NLGN1: variants seen among roughly 807,000 people sequenced by gnomAD.
The protein encoded by NLGN1 is neuroligin 1, also known as neuroligin-1.
Under a neutral mutation model 65.5 loss-of-function variants are expected in NLGN1, and 12 were observed. The observed-to-expected ratio is 0.18, with a 90% CI of 0.12 to 0.30. The LOEUF (loss-of-function observed/expected upper bound fraction) is 0.30, where lower values mean the gene tolerates loss of function less well. NLGN1 is among the 10% of genes least tolerant of loss of function. The pLI is 1.00. For missense variants in NLGN1, 750 were observed against 1,007.1 expected (o/e 0.74, Z 3.46); for synonymous variants, 350 against 359.5 (o/e 0.97, Z 0.30).
intron 3 of NLGN1, among the ~76,000 whole-genome samples, chr3:173,781,537 A>T (rs1297574910): frequency 6.6e-6 from 1 of 152,134 alleles, no homozygotes; most frequent in Non-Finnish European, 1.5e-5. Flanking sequence ...GACTTAATGG[A>T]TACATTGTTG....
At chr3:173,880,550 G>A (rs1210420221) in intron 4 of NLGN1, among the ~76,000 whole-genome samples, 3 of 150,806 alleles carry the variant, frequency 2.0e-5, no homozygotes, top group East Asian at 1.9e-4. Flanking sequence ...TTGTCCATTA[G>A]GTGTACAATA....
intron 4 of NLGN1, among the ~76,000 whole-genome samples, chr3:174,153,970 T>A (rs1253350271): frequency 6.6e-6 from 1 of 152,124 alleles, no homozygotes; most frequent in African/African-American, 2.4e-5. Context: ...TATTTGTGTA[T>A]TTTATTGTCT....
chr3:174,046,368 G>A (rs1011293188), intron 4 of NLGN1, among the ~76,000 whole-genome samples: 2 of 151,712 alleles, frequency 1.3e-5, no homozygotes, highest in South Asian at 2.1e-4. Context: ...ATAGAAGCAG[G>A]CAACTTTTTT....
chr3:173,487,213 C>T (rs1728309598), intron 2 of NLGN1, among the ~76,000 whole-genome samples: 1 of 152,030 alleles, frequency 6.6e-6, no homozygotes, highest in Non-Finnish European at 1.5e-5. Context: ...ATGGTGTTCT[C>T]ACCACGTCAA....
intron 2 of NLGN1, among the ~76,000 whole-genome samples, chr3:173,445,284 A>ACC (rs1479978376): frequency 6.7e-6 from 1 of 149,338 alleles, no homozygotes; most frequent in African/African-American, 2.5e-5. Context: ...AAAAAAAAAA[A>ACC]AAAAAAAAAA....
intron 3 of NLGN1, among the ~76,000 whole-genome samples, chr3:173,668,882 C>T (rs1762084122): frequency 6.6e-6 from 1 of 152,140 alleles, no homozygotes; most frequent in Admixed American, 6.5e-5. Context: ...CCTCGGCCTC[C>T]CAAAGTGCTG....
intron 3 of NLGN1, among the ~76,000 whole-genome samples, chr3:173,676,715 T>C (rs942839799): frequency 6.6e-6 from 1 of 152,132 alleles, no homozygotes; most frequent in Non-Finnish European, 1.5e-5. Flanking sequence ...TATCTATCTT[T>C]AGTCTGAAAA....
intron 2 of NLGN1, among the ~76,000 whole-genome samples, chr3:173,557,140 A>G (rs532977831): frequency 6.6e-6 from 1 of 152,230 alleles, no homozygotes; most frequent in East Asian, 1.9e-4. Context: ...TTTGATGCTT[A>G]TTTATTAGGT....
intron 3 of NLGN1, among the ~76,000 whole-genome samples, chr3:173,678,812 A>G (rs2149774371): frequency 6.6e-6 from 1 of 152,288 alleles, no homozygotes; most frequent in East Asian, 1.9e-4. Flanking sequence ...CACAGATCTA[A>G]TCTAGGTGAG....
intron 4 of NLGN1, among the ~76,000 whole-genome samples, chr3:173,988,929 T>C (rs1415452243): frequency 6.6e-6 from 1 of 152,192 alleles, no homozygotes; most frequent in Non-Finnish European, 1.5e-5. Context: ...CCTTGTTCTC[T>C]CTTTTTCTGT....
intron 4 of NLGN1, among the ~76,000 whole-genome samples, chr3:174,187,208 G>A (rs1233594150): frequency 3.3e-5 from 5 of 151,802 alleles, no homozygotes; most frequent in Admixed American, 3.3e-4. Context: ...TCAGATATGG[G>A]GGTCCTACTG....
chr3:174,026,893 CTAAA>C (rs573650204), intron 4 of NLGN1, among the ~76,000 whole-genome samples: 81 of 152,026 alleles, frequency 5.3e-4, no homozygotes, highest in African/African-American at 1.9e-3. Flanking sequence ...TGCTTTTGTA[CTAAA>C]TATTTACATA....
At chr3:173,898,753 G>A (rs1243692920) in intron 4 of NLGN1, among the ~76,000 whole-genome samples, 1 of 152,082 alleles carries the variant, frequency 6.6e-6, no homozygotes, top group Admixed American at 6.6e-5. Context: ...ACTTTGACAA[G>A]GTACCAGCTA....
chr3:173,886,977 C>T (rs776938324), intron 4 of NLGN1, among the ~76,000 whole-genome samples: 2 of 151,916 alleles, frequency 1.3e-5, no homozygotes, highest in Non-Finnish European at 2.9e-5. Flanking sequence ...TTATCAGAGA[C>T]AAAATATCTC....
chr3:173,404,996 T>TA (rs1315396480), intron 1 of NLGN1, among the ~76,000 whole-genome samples: 2 of 152,178 alleles, frequency 1.3e-5, no homozygotes, highest in African/African-American at 4.8e-5. Context: ...TATAGATTTT[T>TA]AACATATATC....
exon 7 of NLGN1, chr3:174,284,795 G>A (rs1042293343): frequency 3.3e-5 from 5 of 151,284 alleles, no homozygotes; most frequent in African/African-American, 9.7e-5. Context: ...ATTTGTAGAC[G>A]TCTTGCTGGC....
intron 3 of NLGN1, among the ~76,000 whole-genome samples, chr3:173,701,456 C>G (rs1330840293): frequency 6.6e-6 from 1 of 152,052 alleles, no homozygotes. Context: ...CTAGATGCCA[C>G]AAATGATAAG....
chr3:173,789,157 C>T (rs1264579845), intron 3 of NLGN1, among the ~76,000 whole-genome samples: 2 of 151,310 alleles, frequency 1.3e-5, no homozygotes, highest in African/African-American at 4.9e-5. Context: ...TGAGATCGCG[C>T]CACTGCACTC....
Position 173,462,300 on chromosome 3 carries a change from T to C in NLGN1, c.-321+27222T>C, listed in dbSNP as rs372185397. On this transcript the variant is annotated intron_variant, in intron 2 of 6. Transcript: ENST00000457714. Reference sequence around the variant, plus strand: ...TGCTCAATAAATATTTGCAGTTTTATTGAAAATAAGCAAGGTACCAATGAC... The same window carrying C: ...TGCTCAATAAATATTTGCAGTTTTACTGAAAATAAGCAAGGTACCAATGAC... 2.5e-4 allele frequency among the ~76,000 whole-genome samples: 38 copies of C among 152,300 alleles called. No individual in the cohort carries two copies. In the East Asian group the frequency reaches 4.6e-3, roughly 19 times the overall value.
Sources: allele counts gnomAD v4.1 joint callset (sites outside exome capture counted in the v4.1 genomes callset), GRCh38; gene constraint gnomAD v4.1.1; transcripts MANE v1.5; gene names NCBI Gene and HGNC (gene_info 2026-07-23, HGNC 2026-07-21).